FMN1: variants seen among roughly 807,000 people sequenced by gnomAD.
FMN1 encodes formin 1.
FMN1 carries 110 observed loss-of-function variants against 132.4 expected under a neutral mutation model. The observed-to-expected ratio is 0.83, with a 90% confidence interval of 0.71 to 0.97. FMN1 has a LOEUF of 0.97. FMN1 is among the 50% of genes least tolerant of loss of function. FMN1 has a pLI of 0.00. For missense variants in FMN1, 1,792 were observed against 1,705.3 expected, an observed-to-expected ratio of 1.05 and a Z score of -0.90; for synonymous variants, 722 against 651.7, an observed-to-expected ratio of 1.11 and a Z score of -1.64.
intron 4 of FMN1, among the ~76,000 whole-genome samples, chr15:33,097,797 T>TAA (rs2039145433): frequency 6.6e-6 from 1 of 152,208 alleles, no homozygotes; most frequent in Non-Finnish European, 1.5e-5. Flanking sequence ...AATAATTACA[T>TAA]AAATAGACAC....
chr15:33,165,793 A>T (rs1394356465), intron 3 of FMN1, among the ~76,000 whole-genome samples: 1 of 152,190 alleles, frequency 6.6e-6, no homozygotes, highest in East Asian at 1.9e-4. Context: ...CTCATTTTTA[A>T]AGGTCTGCCA....
chr15:32,974,899 T>A (rs931651677), intron 7 of FMN1, among the ~76,000 whole-genome samples: 1 of 152,226 alleles, frequency 6.6e-6, no homozygotes, highest in African/African-American at 2.4e-5. Flanking sequence ...TTGTCTAGAT[T>A]GAGAATAGTT....
intron 11 of FMN1, 25 bp from the exon 12 acceptor site, chr15:32,908,603 C>CAAAAAAAAA (rs71424680): frequency 1.5e-5 from 9 of 602,034 alleles, no homozygotes; most frequent in Admixed American, 7.5e-5. Context: ...AAAACAAAAC[C>CAAAAAAAAA]AAAAAAAAAA....
intron 2 of FMN1, among the ~76,000 whole-genome samples, 172 bp downstream of exon 2, chr15:33,193,737 C>G (rs1393834142): frequency 6.6e-6 from 1 of 152,172 alleles, no homozygotes; most frequent in Non-Finnish European, 1.5e-5. Context: ...AAAGGGTTTT[C>G]TTTGGCAATC....
At position 33,138,290 on chromosome 15, in the gene FMN1, G is replaced by T. The variant is rs181459701; in HGVS notation, c.1867+14758C>A. On this transcript the variant is annotated intron_variant, in intron 4 of 20. Coordinates refer to ENST00000616417, the MANE Select transcript of FMN1 (RefSeq NM_001277313.2). Reference sequence around the variant, plus strand: ...TTTCTATCGAGTAACCTAAAGATGAGTAGGTGAAATGTATCACCGACTCTT... The same window carrying T: ...TTTCTATCGAGTAACCTAAAGATGATTAGGTGAAATGTATCACCGACTCTT... Among the ~76,000 whole-genome samples the T allele has an allele frequency of 2.5e-3, 374 of 152,296 alleles. 1 individual carries two copies. In the Middle Eastern group the frequency reaches 0.027, roughly 11 times the overall value.
chr15:33,138,039 T>C (rs148272513), intron 4 of FMN1, among the ~76,000 whole-genome samples: 2,107 of 151,562 alleles, frequency 0.014, 31 homozygotes, highest in Non-Finnish European at 0.022. Context: ...ATACAATATT[T>C]GTCAACTGTC....
chr15:32,895,800 T>TA (rs1567345320), intron 15 of FMN1, among the ~76,000 whole-genome samples: 1 of 152,146 alleles, frequency 6.6e-6, no homozygotes, highest in Non-Finnish European at 1.5e-5. Flanking sequence ...ATTTTACCAG[T>TA]ACATTATTTT....
intron 5 of FMN1, chr15:33,066,600 G>A (rs770093441): frequency 3.7e-6 from 6 of 1,613,528 alleles, no homozygotes; most frequent in South Asian, 3.3e-5. Context: ...CTCATCTTGC[G>A]CTTGAGAGCT....
At chr15:33,052,686 T>A (rs1164714600) in intron 6 of FMN1, among the ~76,000 whole-genome samples, 1 of 152,148 alleles carries the variant, frequency 6.6e-6, no homozygotes, top group Non-Finnish European at 1.5e-5. Context: ...AAACCCCACC[T>A]CAAAGCTAAA....
intron 10 of FMN1, among the ~76,000 whole-genome samples, chr15:32,920,867 T>TA (rs1375672661): frequency 6.6e-6 from 1 of 152,206 alleles, no homozygotes; most frequent in Non-Finnish European, 1.5e-5. Context: ...TCTATAGACA[T>TA]AGCTTCAGTT....
intron 5 of FMN1, among the ~76,000 whole-genome samples, chr15:33,085,487 TTTAA>T (rs766471992): frequency 5.3e-5 from 8 of 151,152 alleles, no homozygotes; most frequent in African/African-American, 1.5e-4. Flanking sequence ...ATATATACTG[TTTAA>T]TTACACAGTA....
At chr15:33,018,860 C>A (rs1369542720) in intron 6 of FMN1, among the ~76,000 whole-genome samples, 2 of 152,140 alleles carry the variant, frequency 1.3e-5, no homozygotes, top group African/African-American at 4.8e-5. Flanking sequence ...CTTAAGGCAG[C>A]ACGTCTGGAG....
At chr15:32,939,513 CATT>C (rs2061355401) in intron 9 of FMN1, among the ~76,000 whole-genome samples, 1 of 152,006 alleles carries the variant, frequency 6.6e-6, no homozygotes, top group Non-Finnish European at 1.5e-5. Flanking sequence ...TTTTTAGAAT[CATT>C]GTTAAGTTTC....
At chr15:32,880,608 G>A (rs1440021575) in intron 16 of FMN1, among the ~76,000 whole-genome samples, 5 of 152,138 alleles carry the variant, frequency 3.3e-5, no homozygotes, top group Non-Finnish European at 7.3e-5. Flanking sequence ...GTAGCATCCT[G>A]AAGATAACTG....
At chr15:33,052,816 C>A (rs2037039371) in intron 6 of FMN1, among the ~76,000 whole-genome samples, 1 of 152,200 alleles carries the variant, frequency 6.6e-6, no homozygotes, top group Non-Finnish European at 1.5e-5. Flanking sequence ...ATTTTATATA[C>A]ACCTACCCTT....
chr15:32,911,204 G>C (rs556489316), intron 10 of FMN1, among the ~76,000 whole-genome samples: 17 of 152,316 alleles, frequency 1.1e-4, no homozygotes, highest in Admixed American at 1.0e-3. Flanking sequence ...ATTTCATCTA[G>C]AGAGGTACCT....
At chr15:32,978,635 G>T (rs2032401242) in intron 7 of FMN1, among the ~76,000 whole-genome samples, 1 of 152,164 alleles carries the variant, frequency 6.6e-6, no homozygotes, top group Non-Finnish European at 1.5e-5. Flanking sequence ...ACATTCTAGA[G>T]TATATGCAAG....
intron 16 of FMN1, among the ~76,000 whole-genome samples, chr15:32,881,000 A>G (rs1223192074): frequency 6.6e-6 from 1 of 152,168 alleles, no homozygotes; most frequent in Non-Finnish European, 1.5e-5. Context: ...GCTATTGTCA[A>G]CACCCCAGCC....
chr15:32,798,682 C>G (rs1307750312), intron 19 of FMN1, 122 bp downstream of exon 19: 1 of 929,734 alleles, frequency 1.1e-6, no homozygotes, highest in East Asian at 2.7e-5. Flanking sequence ...AGTCCTTCCC[C>G]TATGACCACT....
Sources: allele counts gnomAD v4.1 joint callset (sites outside exome capture counted in the v4.1 genomes callset), GRCh38; gene constraint gnomAD v4.1.1; transcripts MANE v1.5; gene names NCBI Gene and HGNC (gene_info 2026-07-23, HGNC 2026-07-21).